GPAT4: variants seen among roughly 807,000 people sequenced by gnomAD.
The protein encoded by GPAT4 is 1-AGP acyltransferase 6.
Under a neutral mutation model 58.0 loss-of-function variants are expected in GPAT4, and 17 were observed. The observed-to-expected ratio is 0.29, with a 90% CI of 0.20 to 0.44. The LOEUF is 0.44. Ranked by LOEUF, GPAT4 falls within the 20% of genes least tolerant of loss-of-function variation. The pLI is 1.00. For missense variants in GPAT4, 377 were observed against 574.5 expected (o/e 0.66, Z 3.51); for synonymous variants, 204 against 210.1 (o/e 0.97, Z 0.25).
At chr8:41,579,999 T>G (rs896817710) in intron 1 of GPAT4, among the ~76,000 whole-genome samples, 1 of 152,178 alleles carries the variant, frequency 6.6e-6, no homozygotes, top group African/African-American at 2.4e-5. Flanking sequence ...CGCCTCTGCC[T>G]CGAGGCTGCG....
At chr8:41,608,432 A>G (rs184445264) in intron 2 of GPAT4, among the ~76,000 whole-genome samples, 1 of 152,344 alleles carries the variant, frequency 6.6e-6, no homozygotes, top group East Asian at 1.9e-4. Flanking sequence ...TGGACATGAC[A>G]TAGCTTTCTC....
rs1405381043 is a variant in GPAT4 at position 41,624,140 on chromosome 8, A to G, written c.*3139A>G. 1 of 152,268 alleles carries G rather than the reference A, an allele frequency of 6.6e-6. No homozygotes were observed. The highest frequency in any genetic ancestry group is 2.1e-4 in the South Asian group (1 of 4,830). The allele number at this position is 152,268 out of a possible 1,614,324, so 9.4% of individuals were successfully genotyped here. ...GCGTGAGCCACTGCGCCCAGCCAAG[A>G]GGGAACTTTTTAATAAAGCTAGTGG... is the stretch of plus-strand genomic sequence containing the variant. On this transcript the variant is annotated 3_prime_UTR_variant, in exon 13 of 13. Transcript: ENST00000396987.
At chr8:41,593,755 G>A (rs1438760651) in intron 1 of GPAT4, among the ~76,000 whole-genome samples, 1 of 152,212 alleles carries the variant, frequency 6.6e-6, no homozygotes, top group Non-Finnish European at 1.5e-5. Flanking sequence ...AATTCTGGGG[G>A]TGGTACATGT....
chr8:41,605,007 A>G (rs954490105), intron 2 of GPAT4, among the ~76,000 whole-genome samples: 5 of 152,236 alleles, frequency 3.3e-5, no homozygotes, highest in Non-Finnish European at 7.3e-5. Context: ...TGAGTAGGTT[A>G]AAGGACAGAC....
In GPAT4 at chr8:41,609,623, G is replaced by A. The variant is rs375166267; in HGVS notation, c.236-32G>A. 73 of 1,607,090 alleles carry A rather than the reference G, an allele frequency of 4.5e-5. 2 individuals carry two copies. The highest frequency in any genetic ancestry group is 2.4e-4 in the South Asian group (22 of 90,382). On this transcript the variant is annotated intron_variant, in intron 3 of 12. Coordinates refer to ENST00000396987, the MANE Select transcript of GPAT4 (RefSeq NM_178819.4). ...TATGTCTCACGTGCTCTCCCCCAGC[G>A]TGCTGCTTGACAGGGACACATTCTT...
In GPAT4 at chr8:41,614,398, T is replaced by C. The variant is rs78295909; in HGVS notation, c.924T>C (p.His308=). 1.9e-5 allele frequency: 31 copies of C among 1,613,914 alleles called. No individual in the cohort carries two copies. The highest frequency in any genetic ancestry group is 2.5e-5 in the Non-Finnish European group (30 of 1,179,980). Residue 308 remains histidine (H), a synonymous_variant, in exon 9 of 13, where the codon CAT becomes CAC. Transcript: ENST00000396987. ...TCTTCTTTGAAAGACTGACTGAACA[T>C]GTGCAAGATAAAAGCAAGCTGCCTA... The part of the protein sequence containing the change: ...RHLVAKRLTE[H]VQDKSKLPIL...
chr8:41,598,588 T>G lies in GPAT4; in HGVS notation c.-552T>G, dbSNP rs1445487069. 1 of 152,300 alleles carries G rather than the reference T, an allele frequency of 6.6e-6. No homozygotes were observed. Among genetic ancestry groups the G allele is most frequent in the African/African-American group, 2.4e-5 (1 of 41,450 alleles). The allele number at this position is 152,300 out of a possible 1,614,324, so 9.4% of individuals were successfully genotyped here. A position where few individuals can be genotyped will look rare whatever the true frequency, so the allele number is the denominator to read the frequency against. Reference sequence around the variant, plus strand: ...TCTCGGCTTATGAAGGAATTTTAAGTAAAACAGTTATTTAATTTCCACATA... The same window carrying G: ...TCTCGGCTTATGAAGGAATTTTAAGGAAAACAGTTATTTAATTTCCACATA... On this transcript the variant is annotated 5_prime_UTR_variant, in exon 2 of 13. Coordinates refer to ENST00000396987, the MANE Select transcript of GPAT4 (RefSeq NM_178819.4).
rs771673712 is a variant in GPAT4, at chr8:41,600,181, G to A, written c.165+877G>A. 6.2e-4 allele frequency among the ~76,000 whole-genome samples: 94 copies of A among 151,842 alleles called. 1 individual carries two copies. Among genetic ancestry groups the A allele is most frequent in the Middle Eastern group, 3.4e-3 (1 of 294 alleles). ...AGCCTCCTGAGTAGCTGGGACTACA[G>A]GCCCATGCCACCACACCCGGCTATT... On this transcript the variant is annotated intron_variant, in intron 2 of 12. Transcript: ENST00000396987.
At position 41,598,589 on chromosome 8, in the gene GPAT4, A is replaced by G. The variant is rs907625500; in HGVS notation, c.-551A>G. 12 of 152,290 alleles carry G rather than the reference A, an allele frequency of 7.9e-5. No individual in the cohort carries two copies. Among genetic ancestry groups the G allele is most frequent in the African/African-American group, 2.9e-4 (12 of 41,456 alleles). The allele number at this position is 152,290 out of a possible 1,614,324, so 9.4% of individuals were successfully genotyped here. A position where few individuals can be genotyped will look rare whatever the true frequency, so the allele number is the denominator to read the frequency against. On this transcript the variant is annotated 5_prime_UTR_variant, in exon 2 of 13. Coordinates refer to ENST00000396987, the MANE Select transcript of GPAT4 (RefSeq NM_178819.4). ...CTCGGCTTATGAAGGAATTTTAAGT[A>G]AAACAGTTATTTAATTTCCACATAT... is the stretch of plus-strand genomic sequence containing the variant.
chr8:41,599,098 T>C lies in GPAT4; in HGVS notation c.-42T>C. ...AGGACCATCTGAAGGCTGCAATTTGTTCTTAGGGAGGCAGGTGCTGGCCTG... is the reference window on the plus strand; with the variant it reads ...AGGACCATCTGAAGGCTGCAATTTGCTCTTAGGGAGGCAGGTGCTGGCCTG... On this transcript the variant is annotated 5_prime_UTR_variant, in exon 2 of 13. Coordinates refer to ENST00000396987, the MANE Select transcript of GPAT4 (RefSeq NM_178819.4). 6.3e-7 allele frequency: 1 copy of C among 1,577,724 alleles called. No homozygotes were observed.
At position 41,609,127 on chromosome 8, in the gene GPAT4, G is replaced by A. The variant is rs757673384; in HGVS notation, c.166-289G>A. On this transcript the variant is annotated intron_variant, in intron 2 of 12. Transcript: ENST00000396987. ...GCTGTCAGCAAGTGAGCTCCCTACA[G>A]CCCGGAGACAGAGAGACGTAGGCAG... Among the ~76,000 whole-genome samples the A allele has an allele frequency of 2.0e-5, 3 of 152,254 alleles. No individual in the cohort carries two copies. The South Asian group carries it at 6.2e-4, about 31-fold the overall frequency.
rs889429744 is a variant in GPAT4 at position 41,598,582 on chromosome 8, T to A, written c.-558T>A. 6.6e-6 allele frequency: 1 copy of A among 152,262 alleles called. No individual in the cohort carries two copies. Among genetic ancestry groups the A allele is most frequent in the African/African-American group, 2.4e-5 (1 of 41,444 alleles). The allele number at this position is 152,262 out of a possible 1,614,324, so 9.4% of individuals were successfully genotyped here. A position where few individuals can be genotyped will look rare whatever the true frequency, so the allele number is the denominator to read the frequency against. On this transcript the variant is annotated 5_prime_UTR_variant, in exon 2 of 13. Transcript: ENST00000396987. ...CATGGTTCTCGGCTTATGAAGGAAT[T>A]TTAAGTAAAACAGTTATTTAATTTC...
At chr8:41,614,324 AAC>A in intron 8 of GPAT4, 60 bp from the exon 9 acceptor site, 1 of 1,395,412 alleles carries the variant, frequency 7.2e-7, no homozygotes, top group Non-Finnish European at 9.9e-7. Context: ...GTTATTTATA[AAC>A]ATATTTTGAC....
At chr8:41,589,955 G>A (rs1349288318) in intron 1 of GPAT4, among the ~76,000 whole-genome samples, 1 of 152,184 alleles carries the variant, frequency 6.6e-6, no homozygotes, top group Non-Finnish European at 1.5e-5. Context: ...TCAGGTTCCT[G>A]AACTACCTCT....
At chr8:41,592,384 T>C (rs1218111677) in intron 1 of GPAT4, among the ~76,000 whole-genome samples, 1 of 152,200 alleles carries the variant, frequency 6.6e-6, no homozygotes, top group Non-Finnish European at 1.5e-5. Flanking sequence ...CTCCACCAAG[T>C]GACTGTTTTT....
intron 1 of GPAT4, among the ~76,000 whole-genome samples, chr8:41,595,840 TTTCTC>T (rs1802916825): frequency 6.6e-6 from 1 of 152,060 alleles, no homozygotes; most frequent in African/African-American, 2.4e-5. Flanking sequence ...CTCTGTCTCT[TTTCTC>T]TGTCTCTCTC....
rs997320437 is a variant in GPAT4 at position 41,598,050 on chromosome 8, G to A, written c.-848-242G>A. Among the ~76,000 whole-genome samples, 8 of 152,264 alleles carry A rather than the reference G, an allele frequency of 5.3e-5. No homozygotes were observed. The East Asian group carries it at 1.4e-3, about 26-fold the overall frequency. On this transcript the variant is annotated intron_variant, in intron 1 of 12. Transcript: ENST00000396987. ...TATACATGTATTTTATATTCAGAAA[G>A]TTTGACCACCGATCATATCATTTGG...
intron 1 of GPAT4, among the ~76,000 whole-genome samples, chr8:41,597,237 G>C (rs915381286): frequency 2.0e-5 from 3 of 152,126 alleles, no homozygotes; most frequent in African/African-American, 7.2e-5. Flanking sequence ...AAAACATTGC[G>C]CAGATTTTAA....
intron 9 of GPAT4, 118 bp downstream of exon 9, chr8:41,614,559 A>G: frequency 1.0e-6 from 1 of 1,000,602 alleles, no homozygotes; most frequent in Non-Finnish European, 1.5e-6. Flanking sequence ...TTCACTGAAT[A>G]ATGTTAGGTC....
Sources: gnomAD v4.1 joint callset for allele counts (sites outside exome capture counted in the v4.1 genomes callset) on GRCh38, gnomAD v4.1.1 for gene constraint, MANE v1.5 for transcripts, NCBI Gene and HGNC (gene_info 2026-07-23, HGNC 2026-07-21) for gene names.